FGF12: variants seen among roughly 807,000 people sequenced by gnomAD.
The protein encoded by FGF12 is fibroblast growth factor 12B.
A neutral mutation model predicts 23.6 loss-of-function variants in FGF12; 14 were observed. That is an observed-to-expected ratio of 0.59 (90% CI 0.39 to 0.93). FGF12 has a LOEUF of 0.93. FGF12 is among the 40% of genes least tolerant of loss of function. FGF12 has a pLI of 0.00. For synonymous variants in FGF12, 62 were observed against 77.3 expected (o/e 0.80, Z 1.04); for missense variants, 175 against 217.8 (o/e 0.80, Z 1.24).
intron 4 of FGF12, among the ~76,000 whole-genome samples, chr3:192,257,192 C>T (rs573059468): frequency 1.4e-4 from 22 of 152,178 alleles, no homozygotes; most frequent in African/African-American, 4.6e-4. Flanking sequence ...TAAATAAGTA[C>T]CTTCCCATAT....
At chr3:192,664,615 A>AAAAAAAAAAAAAC (rs1716793529) in intron 2 of FGF12, among the ~76,000 whole-genome samples, 2 of 148,208 alleles carry the variant, frequency 1.3e-5, no homozygotes, top group African/African-American at 2.5e-5. Flanking sequence ...CAAAAAAAAA[A>AAAAAAAAAAAAAC]AAAAGCTGGG....
At chr3:192,527,098 G>A (rs1240783295) in intron 2 of FGF12, among the ~76,000 whole-genome samples, 1 of 152,058 alleles carries the variant, frequency 6.6e-6, no homozygotes, top group Non-Finnish European at 1.5e-5. Context: ...AGGTAATTAG[G>A]ATTAGATAAC....
intron 2 of FGF12, among the ~76,000 whole-genome samples, chr3:192,431,919 G>A (rs933558483): frequency 1.3e-5 from 2 of 152,132 alleles, no homozygotes; most frequent in African/African-American, 4.8e-5. Flanking sequence ...CCCAAGCACA[G>A]CACACACATA....
intron 4 of FGF12, among the ~76,000 whole-genome samples, chr3:192,179,317 G>T (rs1716035313): frequency 6.6e-6 from 1 of 152,060 alleles, no homozygotes; most frequent in Non-Finnish European, 1.5e-5. Flanking sequence ...AAAAATAAAG[G>T]TTCTTTGTTA....
At chr3:192,448,666 T>C (rs1242844936) in intron 2 of FGF12, among the ~76,000 whole-genome samples, 4 of 152,344 alleles carry the variant, frequency 2.6e-5, no homozygotes, top group South Asian at 2.1e-4. Flanking sequence ...TATTTCCTTC[T>C]GTATGGTCTT....
chr3:192,368,947 CTTCTAAGCACAG>C (rs1560088216), intron 2 of FGF12, among the ~76,000 whole-genome samples: 1 of 152,176 alleles, frequency 6.6e-6, no homozygotes, highest in Non-Finnish European at 1.5e-5. Context: ...CCTCCAGAGC[CTTCTAAGCACAG>C]CTTTCTTCCA....
chr3:192,184,381 T>G (rs1716342655), intron 4 of FGF12, among the ~76,000 whole-genome samples: 1 of 152,238 alleles, frequency 6.6e-6, no homozygotes, highest in Non-Finnish European at 1.5e-5. Context: ...AGGTAGGAAG[T>G]TATTTGCTCT....
At chr3:192,289,342 C>G (rs1485354007) in intron 4 of FGF12, among the ~76,000 whole-genome samples, 1 of 152,136 alleles carries the variant, frequency 6.6e-6, no homozygotes, top group African/African-American at 2.4e-5. Flanking sequence ...TAATTTCAGA[C>G]AGTGGCAAGT....
chr3:192,649,976 G>A (rs1716155468), intron 2 of FGF12, among the ~76,000 whole-genome samples: 1 of 152,178 alleles, frequency 6.6e-6, no homozygotes, highest in African/African-American at 2.4e-5. Flanking sequence ...CAGGGGATAA[G>A]TTGGTTTTGA....
At chr3:192,300,022 C>T (rs772340947) in intron 4 of FGF12, among the ~76,000 whole-genome samples, 55 of 152,216 alleles carry the variant, frequency 3.6e-4, no homozygotes, top group Non-Finnish European at 6.5e-4. Context: ...ACCTGTCCCA[C>T]TGGGGCCTAT....
At chr3:192,268,031 T>G (rs1323373704) in intron 4 of FGF12, among the ~76,000 whole-genome samples, 4 of 152,184 alleles carry the variant, frequency 2.6e-5, no homozygotes, top group Non-Finnish European at 5.9e-5. Context: ...GATGGATATC[T>G]CAGATTTAAA....
In FGF12 at chr3:192,636,334, G is replaced by T. The variant is rs368840075; in HGVS notation, c.13+90847C>A. Among the ~76,000 whole-genome samples the T allele has an allele frequency of 3.9e-5, 6 of 152,156 alleles. No individual in the cohort carries two copies. In the East Asian group the frequency reaches 1.2e-3, roughly 29 times the overall value. On this transcript the variant is annotated intron_variant, in intron 2 of 5. Coordinates refer to ENST00000445105, the MANE Select transcript of FGF12 (RefSeq NM_004113.6). ...ATTTATTTCCTTGGTTTTATTTCAAGTTCCACATTTTGAGGGTTCAAATGC... is the reference window on the plus strand; with the variant it reads ...ATTTATTTCCTTGGTTTTATTTCAATTTCCACATTTTGAGGGTTCAAATGC...
chr3:192,707,273 G>C (rs952330906), intron 2 of FGF12, among the ~76,000 whole-genome samples: 1 of 152,178 alleles, frequency 6.6e-6, no homozygotes, highest in Non-Finnish European at 1.5e-5. Flanking sequence ...ACTAATGCCA[G>C]GGGTGTAACT....
intron 2 of FGF12, among the ~76,000 whole-genome samples, chr3:192,454,564 C>A (rs1372317155): frequency 6.6e-6 from 1 of 152,128 alleles, no homozygotes; most frequent in Non-Finnish European, 1.5e-5. Context: ...AGGCTTACTT[C>A]ATAAACCTAA....
chr3:192,422,720 A>G (rs1046698134), intron 2 of FGF12, among the ~76,000 whole-genome samples: 5 of 152,160 alleles, frequency 3.3e-5, no homozygotes, highest in African/African-American at 1.2e-4. Context: ...CAGAGGAACA[A>G]AAAAAAGTAA....
chr3:192,561,948 CATGA>C (rs1712058710), intron 2 of FGF12, among the ~76,000 whole-genome samples: 1 of 151,320 alleles, frequency 6.6e-6, no homozygotes, highest in Non-Finnish European at 1.5e-5. Flanking sequence ...ATGACTTGTA[CATGA>C]ATATTTCCAG....
chr3:192,237,921 A>C (rs1391730667), intron 4 of FGF12: 1 of 152,182 alleles, frequency 6.6e-6, no homozygotes, highest in East Asian at 1.9e-4. Context: ...GAATCATTAG[A>C]GTTCTTGCAC....
chr3:192,279,254 A>ATATATATATATATATATATATATATG (rs1713998088), intron 4 of FGF12, among the ~76,000 whole-genome samples: 1 of 143,512 alleles, frequency 7.0e-6, no homozygotes, highest in Admixed American at 7.0e-5. Context: ...ATATATATAT[A>ATATATATATATATATATATATATATG]AAATGTACAT....
chr3:192,537,582 C>A (rs184120194), intron 2 of FGF12, among the ~76,000 whole-genome samples: 1 of 152,096 alleles, frequency 6.6e-6, no homozygotes, highest in Non-Finnish European at 1.5e-5. Flanking sequence ...TATACCACTT[C>A]GCATGTCTTC....
Sources: allele counts gnomAD v4.1 joint callset (sites outside exome capture counted in the v4.1 genomes callset), GRCh38; gene constraint gnomAD v4.1.1; transcripts MANE v1.5; gene names NCBI Gene and HGNC (gene_info 2026-07-23, HGNC 2026-07-21).